Variants in SEC24D observed in about 807,000 individuals in gnomAD.
SEC24D encodes the protein SEC24 homolog D, COPII component.
In SEC24D, 69 loss-of-function variants were observed where a neutral mutation model predicts 116.9. The ratio of observed to expected loss-of-function variants is 0.59; its 90% CI spans 0.49 to 0.72. The LOEUF (loss-of-function observed/expected upper bound fraction) is 0.72, where lower values mean the gene tolerates loss of function less well. Ranked by LOEUF, SEC24D falls within the 30% of genes least tolerant of loss-of-function variation. SEC24D has a pLI of 0.00. For missense variants in SEC24D, 1,131 were observed against 1,264.1 expected, an observed-to-expected ratio of 0.89 and a Z score of 1.60; for synonymous variants, 405 against 442.8, an observed-to-expected ratio of 0.91 and a Z score of 1.07.
At chr4:118,807,241 G>T (rs1335759423) in intron 6 of SEC24D, among the ~76,000 whole-genome samples, 3 of 152,216 alleles carry the variant, frequency 2.0e-5, no homozygotes, top group African/African-American at 7.2e-5. Context: ...AGCAGCAAAA[G>T]TCTCTTAAGT....
Position 118,741,034 on chromosome 4 carries a change from G to A in SEC24D, c.1999C>T (p.His667Tyr), listed in dbSNP as rs1182750540. 3 of 1,552,226 alleles carry A rather than the reference G, an allele frequency of 1.9e-6. No individual in the cohort carries two copies. The highest frequency in any genetic ancestry group is 2.6e-6 in the Non-Finnish European group (3 of 1,142,780). ...TLYKYNNFQM[H>Y]LDRQQFLNDL... Reference sequence around the variant, plus strand: ...TTCAAAAATTGTTGTCTATCCAAGTGCATCTAAAAAATAAAAGTCTAATCA... The same window carrying A: ...TTCAAAAATTGTTGTCTATCCAAGTACATCTAAAAAATAAAAGTCTAATCA... Residue 667 changes from histidine (H) to tyrosine (Y), a missense_variant, in exon 16 of 23, where the codon CAC becomes TAC. By Grantham distance (83) the His-to-Tyr change is moderately conservative (BLOSUM62 2). Transcript: ENST00000280551.
chr4:118,762,417 C>T (rs1429421533), intron 10 of SEC24D, among the ~76,000 whole-genome samples: 1 of 152,106 alleles, frequency 6.6e-6, no homozygotes, highest in Non-Finnish European at 1.5e-5. Flanking sequence ...TGATGGTACG[C>T]ACCACATGGG....
chr4:118,728,646 A>G lies in SEC24D; in HGVS notation c.2873T>C (p.Leu958Ser), dbSNP rs948846926. 5.0e-6 allele frequency: 8 copies of G among 1,594,178 alleles called. No homozygotes were observed. The African/African-American group carries it at 9.4e-5, about 19-fold the overall frequency. The change falls in exon 22 of 23, where the codon TTG becomes TCG. Residue 958 changes from leucine to serine, a missense_variant. Coordinates refer to ENST00000280551, the MANE Select transcript of SEC24D (RefSeq NM_014822.4). ...GTATGGGTTTCCCACTTCAGGCAGC[A>G]ATGTCTTAGATTTAAGAAAATCAAA... is the stretch of plus-strand genomic sequence containing the variant. ...SFAHINTDMT[L>S]LPEVGNPYSQ...
At chr4:118,727,244 A>G (rs298988) in intron 22 of SEC24D, among the ~76,000 whole-genome samples, 109,924 of 152,150 alleles carry the variant, frequency 0.72, 40,445 homozygotes, top group South Asian at 0.79. Context: ...ACATTTGCAG[A>G]TAGTACATAA....
At chr4:118,751,503 G>C (rs1726834028) in intron 13 of SEC24D, among the ~76,000 whole-genome samples, 1 of 152,062 alleles carries the variant, frequency 6.6e-6, no homozygotes, top group Non-Finnish European at 1.5e-5. Flanking sequence ...TCAGTTTACT[G>C]TCTTCATTAC....
chr4:118,767,924 T>C (rs1578413913), intron 9 of SEC24D, among the ~76,000 whole-genome samples: 1 of 152,212 alleles, frequency 6.6e-6, no homozygotes. Flanking sequence ...AAATAAAATT[T>C]TTCCCCCTAC....
intron 8 of SEC24D, among the ~76,000 whole-genome samples, chr4:118,780,928 T>A (rs1481390253): frequency 6.9e-6 from 1 of 145,024 alleles, no homozygotes; most frequent in East Asian, 2.0e-4. Context: ...TTTTTTTTTT[T>A]TTTTGCTTTC....
At position 118,833,723 on chromosome 4, in the gene SEC24D, T is replaced by G. The variant is rs781189477; in HGVS notation, c.-27A>C. 6.6e-7 allele frequency: 1 copy of G among 1,518,316 alleles called. No individual in the cohort carries two copies. Among genetic ancestry groups the G allele is most frequent in the Non-Finnish European group, 9.1e-7 (1 of 1,100,732 alleles). 94.1% of individuals were successfully genotyped at this position (1,518,316 alleles called of 1,614,324 possible). On this transcript the variant is annotated 5_prime_UTR_variant, in exon 2 of 23. Coordinates refer to ENST00000280551, the MANE Select transcript of SEC24D (RefSeq NM_014822.4). Reference sequence around the variant, plus strand: ...ATGAAAATATCATTCCATAGGATAATTCTACAAAAGAAGTCTGCAACAGAG... The same window carrying G: ...ATGAAAATATCATTCCATAGGATAAGTCTACAAAAGAAGTCTGCAACAGAG...
Position 118,743,843 on chromosome 4 carries a change from C to T in SEC24D, c.1995+145G>A, listed in dbSNP as rs999927089. 17 of 687,136 alleles carry T rather than the reference C, an allele frequency of 2.5e-5. No homozygotes were observed. The Admixed American group carries it at 5.1e-4, about 21-fold the overall frequency. The allele number at this position is 687,136 out of a possible 1,614,324, so 42.6% of individuals were successfully genotyped here. On this transcript the variant is annotated intron_variant, in intron 15 of 22. Transcript: ENST00000280551. Reference sequence around the variant, plus strand: ...GCAGAACTCTCCTTATAAAAAGGACCAACGGTATACTTTGTTTTCCATCTG... The same window carrying T: ...GCAGAACTCTCCTTATAAAAAGGACTAACGGTATACTTTGTTTTCCATCTG...
At chr4:118,774,230 T>C (rs1728037141) in intron 8 of SEC24D, among the ~76,000 whole-genome samples, 1 of 152,138 alleles carries the variant, frequency 6.6e-6, no homozygotes, top group Non-Finnish European at 1.5e-5. Flanking sequence ...AGTCTATTTG[T>C]TCTGTCTTAA....
chr4:118,786,459 T>C (rs1298952930), intron 8 of SEC24D, among the ~76,000 whole-genome samples: 1 of 152,210 alleles, frequency 6.6e-6, no homozygotes. Flanking sequence ...CTGCACACAC[T>C]GTAGACCCTG....
intron 1 of SEC24D, among the ~76,000 whole-genome samples, chr4:118,835,248 C>T (rs560256398): frequency 6.6e-6 from 1 of 152,274 alleles, no homozygotes; most frequent in South Asian, 2.1e-4. Context: ...CAGGAAGCAG[C>T]CAGTTCCCTC....
rs201637775 is a variant in SEC24D, at chr4:118,752,689, A to T, written c.1613+8T>A. 6.3e-7 allele frequency: 1 copy of T among 1,579,502 alleles called. No homozygotes were observed. Among genetic ancestry groups the T allele is most frequent in the African/African-American group, 1.4e-5 (1 of 73,298 alleles). ...TTACTTTTAAATTATAAAACACTTG[A>T]TATTTACTTATGAATCACAGATTGG... is the stretch of plus-strand genomic sequence containing the variant. On this transcript the variant is annotated splice_region_variant and intron_variant, in intron 12 of 22. Coordinates refer to ENST00000280551, the MANE Select transcript of SEC24D (RefSeq NM_014822.4).
chr4:118,743,048 C>T (rs1272581402), intron 15 of SEC24D, among the ~76,000 whole-genome samples: 4 of 152,126 alleles, frequency 2.6e-5, no homozygotes, highest in Non-Finnish European at 4.4e-5. Context: ...AGCAAGCCCA[C>T]TTGCCTGCAG....
chr4:118,812,469 C>T (rs1209914369), intron 6 of SEC24D, among the ~76,000 whole-genome samples: 1 of 152,080 alleles, frequency 6.6e-6, no homozygotes, highest in Non-Finnish European at 1.5e-5. Context: ...TGGGGAGACA[C>T]AAAGGCAGCC....
chr4:118,806,463 G>A (rs1729684973), intron 6 of SEC24D, among the ~76,000 whole-genome samples: 1 of 151,828 alleles, frequency 6.6e-6, no homozygotes, highest in Non-Finnish European at 1.5e-5. Flanking sequence ...GGGACCACAG[G>A]TGGGTGCCAC....
chr4:118,812,968 T>G (rs1423933319), intron 6 of SEC24D, among the ~76,000 whole-genome samples: 1 of 152,156 alleles, frequency 6.6e-6, no homozygotes, highest in African/African-American at 2.4e-5. Flanking sequence ...CCCTAGAGAT[T>G]TGAGCTTTGG....
chr4:118,800,846 A>C (rs1729401078), intron 7 of SEC24D, among the ~76,000 whole-genome samples: 1 of 152,206 alleles, frequency 6.6e-6, no homozygotes, highest in Non-Finnish European at 1.5e-5. Context: ...CATTAGAACC[A>C]ATTATAAATT....
Position 118,744,958 on chromosome 4 carries a change from T to C in SEC24D, c.1810A>G (p.Thr604Ala). 6.3e-7 allele frequency: 1 copy of C among 1,595,918 alleles called. No homozygotes were observed. The highest frequency in any genetic ancestry group is 8.6e-7 in the Non-Finnish European group (1 of 1,164,570). Residue 604 changes from threonine to alanine, a missense_variant, in exon 14 of 23, where the codon ACA (threonine) becomes GCA (alanine). Coordinates refer to ENST00000280551, the MANE Select transcript of SEC24D (RefSeq NM_014822.4). ...TTACAAAGTACCTTCTCTTTGTCTGTATTAACCAGTTTTTTGTCATCTCTG... is the reference window on the plus strand; with the variant it reads ...TTACAAAGTACCTTCTCTTTGTCTGCATTAACCAGTTTTTTGTCATCTCTG... ...KNRDDKKLVN[T>A]DKEKILFQPQ...
Sources: allele counts gnomAD v4.1 joint callset (sites outside exome capture counted in the v4.1 genomes callset), GRCh38; gene constraint gnomAD v4.1.1; transcripts MANE v1.5; gene names NCBI Gene and HGNC (gene_info 2026-07-23, HGNC 2026-07-21).